The following ZFP28 variants were observed in gnomAD, a reference collection of about 807,000 sequenced individuals.
The protein encoded by ZFP28 is zinc finger protein 28 homolog.
ZFP28 carries 31 observed loss-of-function variants against 39.5 expected under a neutral mutation model. The observed-to-expected ratio is 0.79, with a 90% CI of 0.59 to 1.06. The LOEUF (loss-of-function observed/expected upper bound fraction) is 1.06. Among genes scored for constraint, ZFP28 ranks in the 50% least tolerant of loss-of-function variants. The pLI, the probability that ZFP28 is intolerant of heterozygous loss-of-function variation, is 0.00. For synonymous variants in ZFP28, 400 were observed against 378.6 expected, an observed-to-expected ratio of 1.06 and a Z score of -0.66; for missense variants, 925 against 1,048.4, an observed-to-expected ratio of 0.88 and a Z score of 1.63.
At position 56,553,811 on chromosome 19, in the gene ZFP28, CTA is replaced by C. The variant is rs751852297; in HGVS notation, c.1028_1029del (p.Tyr343CysfsTer22). On this transcript the variant is annotated frameshift_variant, in exon 8 of 8. Coordinates refer to ENST00000301318, the MANE Select transcript of ZFP28 (RefSeq NM_020828.2). LOFTEE classifies it low-confidence loss of function (END_TRUNC). ...SSFRENWDSD[Y>X]VFGRKLAVGQ... ...GTTTCAGAGAAAATTGGGATTCTGA[CTA>C]TGTGTTTGGAAGGAAGCTTGCAGTA... The C allele has an allele frequency of 1.2e-6, 2 of 1,614,020 alleles. No individual in the cohort carries two copies. Among genetic ancestry groups the C allele is most frequent in the Non-Finnish European group, 1.7e-6 (2 of 1,180,008 alleles).
At chr19:56,552,893 T>C (rs2044317906) in intron 7 of ZFP28, 1 of 152,172 alleles carries the variant, frequency 6.6e-6, no homozygotes, top group Admixed American at 6.5e-5. Flanking sequence ...TTTTGCTGTG[T>C]GGCCTGTTTT....
At chr19:56,550,002 C>T (rs1259675021) in intron 5 of ZFP28, 65 bp from the exon 6 acceptor site, 2 of 1,349,818 alleles carry the variant, frequency 1.5e-6, no homozygotes, top group Non-Finnish European at 2.1e-6. Flanking sequence ...CACAGTCCAT[C>T]CCACTGAGAC....
intron 7 of ZFP28, chr19:56,552,280 A>G (rs1056814400): frequency 2.6e-5 from 4 of 152,532 alleles, no homozygotes; most frequent in African/African-American, 7.2e-5. Context: ...ATGTATTTTT[A>G]AAGTGTCATG....
chr19:56,546,421 C>T (rs936698474), intron 2 of ZFP28: 2 of 152,212 alleles, frequency 1.3e-5, no homozygotes, highest in African/African-American at 4.8e-5. Context: ...CCAGCAGGAG[C>T]TGAGCAGCCC....
At chr19:56,549,951 G>A in intron 5 of ZFP28, 116 bp from the exon 6 acceptor site, 1 of 690,390 alleles carries the variant, frequency 1.4e-6, no homozygotes, top group South Asian at 1.9e-5. Context: ...CAGAACTTAA[G>A]TTGCAGTTCT....
intron 5 of ZFP28, among the ~76,000 whole-genome samples, chr19:56,549,637 A>T (rs2044277165): frequency 6.6e-6 from 1 of 152,034 alleles, no homozygotes; most frequent in African/African-American, 2.4e-5. Flanking sequence ...AGATCGCGCC[A>T]CTGCACTCCA....
intron 4 of ZFP28, chr19:56,548,520 A>G (rs1173797861): frequency 6.5e-6 from 1 of 153,676 alleles, no homozygotes; most frequent in Non-Finnish European, 1.4e-5. Context: ...GATGAAATGG[A>G]CAAGGAGTGA....
At chr19:56,548,836 C>G in intron 4 of ZFP28, 122 bp from the exon 5 acceptor site, 3 of 1,049,256 alleles carry the variant, frequency 2.9e-6, no homozygotes, top group Non-Finnish European at 4.0e-6. Flanking sequence ...TTTTCATTTT[C>G]TTCCATAAAA....
chr19:56,550,264 AG>A, intron 6 of ZFP28, 83 bp downstream of exon 6: 6 of 1,339,392 alleles, frequency 4.5e-6, no homozygotes, highest in Non-Finnish European at 5.2e-6. Flanking sequence ...TGGAGGAGGG[AG>A]GGGGTGTCTT....
rs555223434 is a variant in ZFP28 at position 56,554,568 on chromosome 19, G to A, written c.1783G>A (p.Gly595Arg). ...AAAGCCTTTTAAGTGTAAAGAGTGC[G>A]GAAAAGCTTTTAGGCAGAATATACA... The part of the protein sequence containing the change: ...GEKPFKCKEC[G>R]KAFRQNIHLA... The change falls in exon 8 of 8, where the codon GGA becomes AGA. Residue 595 changes from glycine (G) to arginine (R), a missense_variant. Gly to Arg is a moderately radical substitution (Grantham distance 125, BLOSUM62 -2). This residue lies in a region of ZFP28 where 369 missense variants were observed against 505.5 expected (regional missense o/e 0.73). Transcript: ENST00000301318. The surrounding 1 kb of genome is among the most constrained non-coding windows in gnomAD (Gnocchi z 6.7). 14 of 1,614,078 alleles carry A rather than the reference G, an allele frequency of 8.7e-6. No homozygotes were observed. Among genetic ancestry groups the A allele is most frequent in the South Asian group, 3.3e-5 (3 of 91,076 alleles).
intron 7 of ZFP28, chr19:56,552,623 T>TC (rs2044314320): frequency 6.6e-6 from 1 of 152,134 alleles, no homozygotes; most frequent in African/African-American, 2.4e-5. Context: ...GGTCTAGAAG[T>TC]TTGCATATGG....
At chr19:56,552,745 G>GTA (rs2044316050) in intron 7 of ZFP28, 1 of 152,038 alleles carries the variant, frequency 6.6e-6, no homozygotes, top group Non-Finnish European at 1.5e-5. Context: ...ATGAATAGAT[G>GTA]TATAGTCCCA....
chr19:56,555,173 A>C lies in ZFP28; in HGVS notation c.2388A>C (p.Gln796His). 6.2e-7 allele frequency: 1 copy of C among 1,614,170 alleles called. No homozygotes were observed. Among genetic ancestry groups the C allele is most frequent in the Non-Finnish European group, 8.5e-7 (1 of 1,180,018 alleles). Residue 796 changes from glutamine (Q) to histidine (H), a missense_variant, in exon 8 of 8, where the codon CAA becomes CAC. Physicochemically the swap from Gln to His is conservative, Grantham distance 24. This residue lies in a region of ZFP28 where 369 missense variants were observed against 505.5 expected (regional missense o/e 0.73). Coordinates refer to ENST00000301318, the MANE Select transcript of ZFP28 (RefSeq NM_020828.2). ...ECKECRKTFIQIGHLNQHKRV... is the reference protein window; with the variant it reads ...ECKECRKTFIHIGHLNQHKRV... ...AGGAATGTAGGAAAACCTTCATCCA[A>C]ATTGGACACCTTAATCAACATAAGA...
intron 5 of ZFP28, 136 bp downstream of exon 5, chr19:56,549,257 C>G (rs1306160576): frequency 1.0e-6 from 1 of 1,004,492 alleles, no homozygotes; most frequent in Middle Eastern, 3.3e-4. Context: ...GACAGATTAT[C>G]CCCTCAGAAC....
chr19:56,541,877 ATTTTTTTT>A (rs11297964), intron 2 of ZFP28, among the ~76,000 whole-genome samples: 3 of 61,346 alleles, frequency 4.9e-5, no homozygotes, highest in African/African-American at 9.3e-5. Flanking sequence ...CACCTGGCTA[ATTTTTTTT>A]TTTTTTTTTT....
At chr19:56,545,689 T>G (rs1600542394) in intron 2 of ZFP28, 1 of 152,022 alleles carries the variant, frequency 6.6e-6, no homozygotes, top group Non-Finnish European at 1.5e-5. Flanking sequence ...AGCCAAAGGG[T>G]GGGGACCAAG....
At position 56,539,158 on chromosome 19, in the gene ZFP28, C is replaced by G. The variant is rs746948200; in HGVS notation, c.140C>G (p.Pro47Arg). The G allele has an allele frequency of 6.9e-6, 11 of 1,599,734 alleles. No homozygotes were observed. The highest frequency in any genetic ancestry group is 2.3e-5 in the East Asian group (1 of 44,350). Residue 47 changes from proline (P) to arginine (R), a missense_variant, in exon 1 of 8, where the codon CCG becomes CGG. Coordinates refer to ENST00000301318, the MANE Select transcript of ZFP28 (RefSeq NM_020828.2). ...ATLALPARGR[P>R]RSRNGLASKG... ...TTGGCCCTCCCTGCCCGGGGAAGGC[C>G]GCGCTCAAGGAATGGCCTCGCATCC...
At chr19:56,546,019 G>A (rs1358215562) in intron 2 of ZFP28, 1 of 152,258 alleles carries the variant, frequency 6.6e-6, no homozygotes, top group Non-Finnish European at 1.5e-5. Flanking sequence ...TACAAGTCAT[G>A]TTCACTGCAT....
At chr19:56,542,353 C>T (rs1401147605) in intron 2 of ZFP28, among the ~76,000 whole-genome samples, 1 of 152,088 alleles carries the variant, frequency 6.6e-6, no homozygotes, top group Admixed American at 6.6e-5. Flanking sequence ...GGGGTTTTGC[C>T]ATGTTTCCCA....
Sources: allele counts gnomAD v4.1 joint callset (sites outside exome capture counted in the v4.1 genomes callset), GRCh38; gene constraint gnomAD v4.1.1; regional missense constraint gnomAD v4.1.1; non-coding constraint Gnocchi (gnomAD v3.1); transcripts MANE v1.5; gene names NCBI Gene and HGNC (gene_info 2026-07-23, HGNC 2026-07-21).